The following SREBF1 variants were observed in gnomAD, a reference collection of about 807,000 sequenced individuals.
The protein encoded by SREBF1 is sterol regulatory element-binding protein 1.
SREBF1 carries 45 observed loss-of-function variants against 100.1 expected under a neutral mutation model. That is an observed-to-expected ratio of 0.45 (90% CI 0.35 to 0.58). The LOEUF is 0.58. Ranked by LOEUF, SREBF1 falls within the 20% of genes least tolerant of loss-of-function variation. SREBF1 has a pLI of 0.00. For synonymous variants in SREBF1, 657 were observed against 681.8 expected (o/e 0.96, Z 0.57); for missense variants, 1,324 against 1,539.4 (o/e 0.86, Z 2.34).
At chr17:17,813,291 C>A in intron 18 of SREBF1, 77 bp downstream of exon 18, 1 of 1,404,654 alleles carries the variant, frequency 7.1e-7, no homozygotes, top group East Asian at 2.5e-5. Flanking sequence ...CACACAGCCT[C>A]CCTTGGTATC....
chr17:17,824,958 C>T lies in SREBF1; in HGVS notation c.92-4437G>A, dbSNP rs2034390819. ...CTCTAGCATGGCCCAACCCTCCCCT[C>T]AGCCCGCGGGTGTTCCCTCACCCCC... On this transcript the variant is annotated intron_variant, in intron 1 of 18. Transcript: ENST00000261646. This position sits in a 1 kb window ranked among gnomAD's most constrained non-coding sequence, Gnocchi z 4.2. 6.6e-6 allele frequency among the ~76,000 whole-genome samples: 1 copy of T among 152,216 alleles called. No individual in the cohort carries two copies. Among genetic ancestry groups the T allele is most frequent in the African/African-American group, 2.4e-5 (1 of 41,466 alleles).
Position 17,817,744 on chromosome 17 carries a change from G to A in SREBF1, c.1356C>T (p.Gly452=). Residue 452 remains glycine (G), a synonymous_variant, in exon 7 of 19, where the codon GGC becomes GGT. Coordinates refer to ENST00000261646, the MANE Select transcript of SREBF1 (RefSeq NM_004176.5). The surrounding 1 kb of genome is among the most constrained non-coding windows in gnomAD (Gnocchi z 6.6). The stretch of plus-strand genomic sequence containing the variant: ...TGTCAGGCTCCGAGTCACTGCCACT[G>A]CCACCGCTGCCACTGCCCCTGCTGC... ...SLGSRGSGSG[G]SGSDSEPDSP... 6.2e-7 allele frequency: 1 copy of A among 1,613,514 alleles called. No individual in the cohort carries two copies. The highest frequency in any genetic ancestry group is 1.6e-4 in the Middle Eastern group (1 of 6,062).
chr17:17,823,758 C>A, intron 1 of SREBF1: 2 of 208,212 alleles, frequency 9.6e-6, no homozygotes, highest in East Asian at 1.9e-4. Context: ...ATGGGGTGAG[C>A]GCGCGCGGCC....
chr17:17,827,112 CAG>C (rs1457052515), intron 1 of SREBF1, among the ~76,000 whole-genome samples: 1 of 152,162 alleles, frequency 6.6e-6, no homozygotes, highest in African/African-American at 2.4e-5. Context: ...GCAGAAGAAA[CAG>C]TGTGTGCAAA....
At chr17:17,836,629 G>T in intron 1 of SREBF1, 98 bp downstream of exon 1, 1 of 1,253,288 alleles carries the variant, frequency 8.0e-7, no homozygotes, top group Non-Finnish European at 1.1e-6. Context: ...ACAGCACGGA[G>T]CTGGCGCCCG....
Position 17,812,320 on chromosome 17 carries a change from C to T in SREBF1, c.*302G>A, listed in dbSNP as rs2032959217. 3 of 529,974 alleles carry T rather than the reference C, an allele frequency of 5.7e-6. No homozygotes were observed. In the Admixed American group the frequency reaches 1.0e-4, roughly 18 times the overall value. The allele number at this position is 529,974 out of a possible 1,614,324, so 32.8% of individuals were successfully genotyped here. A position where few individuals can be genotyped will look rare whatever the true frequency, so the allele number is the denominator to read the frequency against. ...GAAATGTACCCCTCTCTTCCCTGTA[C>T]ACAGGAGGAAAAAAGCCACTAAGGT... On this transcript the variant is annotated 3_prime_UTR_variant, in exon 19 of 19. Transcript: ENST00000261646.
chr17:17,818,101 A>T (rs2033783871), intron 6 of SREBF1, 159 bp downstream of exon 6: 9 of 820,300 alleles, frequency 1.1e-5, no homozygotes, highest in Non-Finnish European at 1.8e-5. Flanking sequence ...TAACCAAGGG[A>T]CTAGAGCTGA....
chr17:17,813,444 C>G lies in SREBF1; in HGVS notation c.3138G>C (p.Ala1046=). ...GGTGTGTCCGTGTGGGGCTGGCCCC[C>G]GCCATCAGCCGGGCCGTGGCCTCAT... is the stretch of plus-strand genomic sequence containing the variant. ...FLHEATARLM[A]GASPTRTHQL... The change falls in exon 18 of 19, where the codon GCG becomes GCC. Residue 1046 remains alanine, a synonymous_variant. Transcript: ENST00000261646. 1 of 1,604,408 alleles carries G rather than the reference C, an allele frequency of 6.2e-7. No individual in the cohort carries two copies. The highest frequency in any genetic ancestry group is 8.5e-7 in the Non-Finnish European group (1 of 1,176,212).
At chr17:17,832,367 C>T (rs578103109) in intron 1 of SREBF1, among the ~76,000 whole-genome samples, 7 of 152,184 alleles carry the variant, frequency 4.6e-5, no homozygotes, top group Admixed American at 1.3e-4. Context: ...AACTGAAGCT[C>T]GGTGTGCCCC....
rs1236457244 is a variant in SREBF1 at position 17,824,488 on chromosome 17, TC to T, written c.92-3968del. Among the ~76,000 whole-genome samples, 1 of 152,120 alleles carries T rather than the reference TC, an allele frequency of 6.6e-6. No homozygotes were observed. Among genetic ancestry groups the T allele is most frequent in the East Asian group, 1.9e-4 (1 of 5,200 alleles). On this transcript the variant is annotated intron_variant, in intron 1 of 18. Coordinates refer to ENST00000261646, the MANE Select transcript of SREBF1 (RefSeq NM_004176.5). This position sits in a 1 kb window ranked among gnomAD's most constrained non-coding sequence, Gnocchi z 4.2. ...CCTGGGAAGCCAGGAAGGGCTGCAG[TC>T]CCTAGGACAGAAGATGGGTAAGGAA...
intron 1 of SREBF1, among the ~76,000 whole-genome samples, chr17:17,828,425 G>C (rs2034622979): frequency 6.6e-6 from 1 of 152,158 alleles, no homozygotes; most frequent in Admixed American, 6.5e-5. Context: ...GGAGCTACAG[G>C]TGTGCGGAAT....
chr17:17,836,757 G>T lies in SREBF1; in HGVS notation c.61C>A (p.Leu21Met), dbSNP rs1160058543. The change falls in exon 1 of 19, where the codon CTG becomes ATG. Residue 21 changes from leucine to methionine, a missense_variant. Transcript: ENST00000261646. The part of the protein sequence containing the change: ...LEQALGEPCD[L>M]DAALLTDIED... ...ATGTCGGTCAGCAGCGCCGCGTCCA[G>T]ATCGCACGGCTCGCCCAGCGCCTGC... 1.3e-6 allele frequency: 2 copies of T among 1,572,846 alleles called. No individual in the cohort carries two copies. Among genetic ancestry groups the T allele is most frequent in the African/African-American group, 2.7e-5 (2 of 74,350 alleles).
intron 1 of SREBF1, among the ~76,000 whole-genome samples, chr17:17,823,324 G>A (rs1437863130): frequency 6.6e-6 from 1 of 152,154 alleles, no homozygotes; most frequent in Non-Finnish European, 1.5e-5. Context: ...TCCCCCTTGA[G>A]TTGCAGGGGA....
Position 17,820,480 on chromosome 17 carries a change from C to G in SREBF1, c.133G>C (p.Gly45Arg). Residue 45 changes from glycine to arginine, a missense_variant, in exon 2 of 19, where the codon GGC becomes CGC. Coordinates refer to ENST00000261646, the MANE Select transcript of SREBF1 (RefSeq NM_004176.5). ...CCAGCATAGGGTGGGTCAAATAGGC[C>G]AGGGAAGTCACTGTCTTGGTTGTTG... ...LINNQDSDFP[G>R]LFDPPYAGSG... 6.2e-7 allele frequency: 1 copy of G among 1,614,048 alleles called. No homozygotes were observed. Among genetic ancestry groups the G allele is most frequent in the East Asian group, 2.2e-5 (1 of 44,886 alleles).
chr17:17,829,302 C>T (rs1160563580), intron 1 of SREBF1, among the ~76,000 whole-genome samples: 1 of 149,764 alleles, frequency 6.7e-6, no homozygotes, highest in African/African-American at 2.5e-5. Context: ...ATTTCTCCCT[C>T]TTGAGTTGTT....
At position 17,817,703 on chromosome 17, in the gene SREBF1, T is replaced by G; in HGVS notation, c.1397A>C (p.Asp466Ala). 6.2e-7 allele frequency: 1 copy of G among 1,613,124 alleles called. No individual in the cohort carries two copies. Among genetic ancestry groups the G allele is most frequent in the Non-Finnish European group, 8.5e-7 (1 of 1,179,916 alleles). The change falls in exon 7 of 19, where the codon GAC becomes GCC. Residue 466 changes from aspartate to alanine, a missense_variant. By Grantham distance (126) the Asp-to-Ala change is moderately radical. Transcript: ENST00000261646. The surrounding 1 kb of genome is among the most constrained non-coding windows in gnomAD (Gnocchi z 6.6). The part of the protein sequence containing the change: ...DSEPDSPVFE[D>A]SKAKPEQRPS... ...ACCGTGGCAGGGCCCAACCTTGCTG[T>G]CCTCAAAGACTGGGCTGTCAGGCTC... is the stretch of plus-strand genomic sequence containing the variant.
chr17:17,811,471 C>G lies in SREBF1; in HGVS notation c.*1151G>C. 2 of 236,252 alleles carry G rather than the reference C, an allele frequency of 8.5e-6. No individual in the cohort carries two copies. The highest frequency in any genetic ancestry group is 7.6e-5 in the South Asian group (2 of 26,328). The allele number at this position is 236,252 out of a possible 1,614,324, so 14.6% of individuals were successfully genotyped here. On this transcript the variant is annotated 3_prime_UTR_variant, in exon 19 of 19. Coordinates refer to ENST00000261646, the MANE Select transcript of SREBF1 (RefSeq NM_004176.5). ...TTGGAAAATCTGCAGCCCGTGGATT[C>G]CGACCAGATTCAGCTGGGAGCCGGG... is the stretch of plus-strand genomic sequence containing the variant.
Position 17,824,532 on chromosome 17 carries a change from G to A in SREBF1, c.92-4011C>T, listed in dbSNP as rs1598131787. On this transcript the variant is annotated intron_variant, in intron 1 of 18. Coordinates refer to ENST00000261646, the MANE Select transcript of SREBF1 (RefSeq NM_004176.5). The surrounding 1 kb of genome is among the most constrained non-coding windows in gnomAD (Gnocchi z 4.2). ...GTAAGGAAGGGGTGACAGGCTCTAG[G>A]GTTCTTTTGAGGAGGTGCCTGGGCC... Among the ~76,000 whole-genome samples, 2 of 152,150 alleles carry A rather than the reference G, an allele frequency of 1.3e-5. No homozygotes were observed. The highest frequency in any genetic ancestry group is 2.1e-4 in the South Asian group (1 of 4,832).
intron 6 of SREBF1, 155 bp from the exon 7 acceptor site, chr17:17,818,071 G>T (rs899234693): frequency 1.1e-6 from 1 of 892,016 alleles, no homozygotes; most frequent in Non-Finnish European, 1.8e-6. Flanking sequence ...GAGGCACCAG[G>T]TCTCTTTCAG....
Sources: gnomAD v4.1 joint callset for allele counts (sites outside exome capture counted in the v4.1 genomes callset) on GRCh38, gnomAD v4.1.1 for gene constraint, Gnocchi (gnomAD v3.1) non-coding constraint, MANE v1.5 for transcripts, NCBI Gene and HGNC (gene_info 2026-07-23, HGNC 2026-07-21) for gene names.